SULT6B1: variants seen among roughly 807,000 people sequenced by gnomAD.
The protein encoded by SULT6B1 is sulfotransferase family 6B member 1.
In SULT6B1, 44 loss-of-function variants were observed where a neutral mutation model predicts 37.2. The observed-to-expected ratio is 1.18, with a 90% CI of 0.93 to 1.52. The LOEUF is 1.52. Ranked by LOEUF, SULT6B1 falls within the 40% of genes most tolerant of loss-of-function variation. The probability of loss-of-function intolerance (pLI) is 0.00; values close to 1 mark genes in which losing one functional copy is unlikely to be tolerated. For missense variants in SULT6B1, 450 were observed against 361.0 expected, an observed-to-expected ratio of 1.25 and a Z score of -2.00; for synonymous variants, 140 against 126.0, an observed-to-expected ratio of 1.11 and a Z score of -0.74.
intron 4 of SULT6B1, among the ~76,000 whole-genome samples, chr2:37,177,411 C>CCAAAAAA (rs1676453784): frequency 1.3e-5 from 1 of 76,294 alleles, no homozygotes; most frequent in Non-Finnish European, 2.4e-5. Context: ...AATCTTGTCT[C>CCAAAAAA]AAAAAAAAAA....
At chr2:37,185,717 C>CAGAAAAAA (rs1676657643) in intron 2 of SULT6B1, among the ~76,000 whole-genome samples, 1 of 83,372 alleles carries the variant, frequency 1.2e-5, no homozygotes, top group Admixed American at 1.2e-4. Flanking sequence ...GACTCCATTT[C>CAGAAAAAA]AAAAAAAAAA....
At chr2:37,176,555 C>T (rs758783126) in intron 4 of SULT6B1, among the ~76,000 whole-genome samples, 3 of 152,056 alleles carry the variant, frequency 2.0e-5, no homozygotes, top group Non-Finnish European at 4.4e-5. Flanking sequence ...CCACCCCGCT[C>T]GGCCTCAATA....
chr2:37,192,040 G>T (rs1676790484), upstream of SULT6B1, among the ~76,000 whole-genome samples: 1 of 152,172 alleles, frequency 6.6e-6, no homozygotes, highest in South Asian at 2.1e-4. Context: ...GATCTAGGTG[G>T]GAGTGCAAGC....
At chr2:37,189,746 T>C (rs922356498), upstream of SULT6B1, 6 of 152,256 alleles carry the variant, frequency 3.9e-5, no homozygotes, top group African/African-American at 1.4e-4. Flanking sequence ...GGTACGCTCT[T>C]TCTCTAGCAG....
intron 1 of SULT6B1, among the ~76,000 whole-genome samples, chr2:37,195,231 T>C (rs1418778508): frequency 6.6e-6 from 1 of 152,138 alleles, no homozygotes; most frequent in Non-Finnish European, 1.5e-5. Context: ...ATTACAGGTG[T>C]GAGCCACCGC....
intron 6 of SULT6B1, among the ~76,000 whole-genome samples, chr2:37,169,697 C>T (rs1676254607): frequency 1.3e-5 from 2 of 152,076 alleles, no homozygotes; most frequent in Non-Finnish European, 2.9e-5. Context: ...GTTTCACCAT[C>T]TTCGCCAGGC....
intron 2 of SULT6B1, among the ~76,000 whole-genome samples, chr2:37,187,151 T>C (rs1000437178): frequency 6.6e-6 from 1 of 152,212 alleles, no homozygotes; most frequent in Non-Finnish European, 1.5e-5. Context: ...GTCCCTAGCA[T>C]TTCTATCTTT....
At chr2:37,184,702 C>T (rs1244130952) in intron 2 of SULT6B1, among the ~76,000 whole-genome samples, 1 of 152,078 alleles carries the variant, frequency 6.6e-6, no homozygotes, top group Non-Finnish European at 1.5e-5. Flanking sequence ...CGTGGTGGTG[C>T]ACACCTGTAG....
chr2:37,186,764 C>T (rs1431094741), intron 2 of SULT6B1, among the ~76,000 whole-genome samples: 1 of 152,088 alleles, frequency 6.6e-6, no homozygotes, highest in Non-Finnish European at 1.5e-5. Flanking sequence ...GGTGTACTGG[C>T]ACGTGCCTGC....
At chr2:37,185,365 C>G (rs553232094) in intron 2 of SULT6B1, among the ~76,000 whole-genome samples, 19 of 152,200 alleles carry the variant, frequency 1.2e-4, no homozygotes, top group African/African-American at 3.4e-4. Flanking sequence ...CAGAAAAGTT[C>G]TCTGTAAAGC....
chr2:37,174,227 CTTTTTTTTTTTTTT>C (rs35100458), intron 5 of SULT6B1, among the ~76,000 whole-genome samples: 1 of 58,478 alleles, frequency 1.7e-5, no homozygotes. Flanking sequence ...TCTTCCTATT[CTTTTTTTTTTTTTT>C]TTTTTTTTTT....
chr2:37,174,612 C>T (rs906404727), intron 5 of SULT6B1, among the ~76,000 whole-genome samples: 4 of 152,074 alleles, frequency 2.6e-5, no homozygotes, highest in African/African-American at 4.8e-5. Flanking sequence ...ATACTATATA[C>T]ATTTTAAAAA....
At chr2:37,176,433 T>C (rs184686416) in intron 4 of SULT6B1, among the ~76,000 whole-genome samples, 1 of 152,042 alleles carries the variant, frequency 6.6e-6, no homozygotes, top group Admixed American at 6.6e-5. Flanking sequence ...CTAATTTTTG[T>C]ATTTTTGGTA....
At position 37,171,463 on chromosome 2, in the gene SULT6B1, C is replaced by T; in HGVS notation, c.752G>A (p.Gly251Asp). ...AMRAKSQDTH[G>D]AVGPFLFRKG... ...GCGGAAAAGGAATGGGCCGACAGCA[C>T]CGTGTGTGTCCTGAGACTTCGCACG... Residue 251 changes from glycine (G) to aspartate (D), a missense_variant, in exon 6 of 7, where the codon GGT (glycine) becomes GAT (aspartate). Coordinates refer to ENST00000535679, the MANE Select transcript of SULT6B1 (RefSeq NM_001367551.1). The T allele has an allele frequency of 6.2e-7, 1 of 1,613,956 alleles. No homozygotes were observed.
At chr2:37,192,655 C>T (rs1215548331), upstream of SULT6B1, among the ~76,000 whole-genome samples, 1 of 152,208 alleles carries the variant, frequency 6.6e-6, no homozygotes, top group African/African-American at 2.4e-5. Context: ...TTATCCCTTA[C>T]ATTACAAAAA....
chr2:37,185,622 G>A (rs979260854), intron 2 of SULT6B1, among the ~76,000 whole-genome samples: 2 of 149,268 alleles, frequency 1.3e-5, no homozygotes, highest in Non-Finnish European at 3.0e-5. Context: ...AGAGGCTGAG[G>A]CAGGAGAATT....
At chr2:37,169,097 T>C (rs1676241218) in intron 6 of SULT6B1, among the ~76,000 whole-genome samples, 1 of 152,254 alleles carries the variant, frequency 6.6e-6, no homozygotes, top group South Asian at 2.1e-4. Context: ...CTATGCTTTA[T>C]GAATTTTCTA....
intron 3 of SULT6B1, among the ~76,000 whole-genome samples, chr2:37,180,303 A>C (rs1461163714): frequency 6.6e-6 from 1 of 152,230 alleles, no homozygotes; most frequent in African/African-American, 2.4e-5. Context: ...GAACAGGCAG[A>C]AGTCATTTCA....
rs751793326 is a variant in SULT6B1, at chr2:37,175,241, G to C, written c.530-15C>G. 1 of 1,471,830 alleles carries C rather than the reference G, an allele frequency of 6.8e-7. No homozygotes were observed. Among genetic ancestry groups the C allele is most frequent in the Non-Finnish European group, 9.3e-7 (1 of 1,079,250 alleles). 91.2% of individuals were successfully genotyped at this position (1,471,830 alleles called of 1,614,324 possible). ...TCCCCAAGAAACTAAAAACACAGGG[G>C]GGAAGACTTTAAGAAATGTCAAATA... On this transcript the variant is annotated splice_polypyrimidine_tract_variant and intron_variant, in intron 4 of 6. Coordinates refer to ENST00000535679, the MANE Select transcript of SULT6B1 (RefSeq NM_001367551.1).
Sources: gnomAD v4.1 joint callset for allele counts (sites outside exome capture counted in the v4.1 genomes callset) on GRCh38, gnomAD v4.1.1 for gene constraint, MANE v1.5 for transcripts, NCBI Gene and HGNC (gene_info 2026-07-23, HGNC 2026-07-21) for gene names.